CDH1: variants seen among roughly 807,000 people sequenced by gnomAD.
The protein encoded by CDH1 is cadherin 1, also known as cadherin-1.
A neutral mutation model predicts 84.5 loss-of-function variants in CDH1; 35 were observed. The observed-to-expected ratio is 0.41, with a 90% confidence interval of 0.32 to 0.55. The LOEUF (loss-of-function observed/expected upper bound fraction) is 0.55. Among genes scored for constraint, CDH1 ranks in the 20% least tolerant of loss-of-function variants. The pLI is 0.19. For missense variants in CDH1, 994 were observed against 1,126.6 expected (o/e 0.88, Z 1.68); for synonymous variants, 417 against 439.0 (o/e 0.95, Z 0.63).
rs115934514 is a variant in CDH1 at position 68,822,009 on chromosome 16, G to T, written c.1720G>T (p.Val574Phe). 1 of 1,613,924 alleles carries T rather than the reference G, an allele frequency of 6.2e-7. No homozygotes were observed. Among genetic ancestry groups the T allele is most frequent in the African/African-American group, 1.3e-5 (1 of 75,022 alleles). Residue 574 changes from valine to phenylalanine, a missense_variant, in exon 12 of 16, where the codon GTT becomes TTT. Coordinates refer to ENST00000261769, the MANE Select transcript of CDH1 (RefSeq NM_004360.5). ...LIIATDNGSP[V>F]ATGTGTLLLI... ...TGTGTATTTTCTCTTAGGTTCTCCA[G>T]TTGCTACTGGAACAGGGACACTTCT...
At chr16:68,745,468 G>A (rs1297395533) in intron 2 of CDH1, among the ~76,000 whole-genome samples, 1 of 146,448 alleles carries the variant, frequency 6.8e-6, no homozygotes, top group African/African-American at 2.5e-5. Context: ...CGTGAAGCCC[G>A]GGAGGTCGAG....
At chr16:68,755,273 ACT>A (rs1187375626) in intron 2 of CDH1, among the ~76,000 whole-genome samples, 3 of 100,082 alleles carry the variant, frequency 3.0e-5, no homozygotes, top group Admixed American at 2.4e-4. Context: ...ACAGGGCAAG[ACT>A]CTGTCTCAAA....
At chr16:68,741,465 T>C (rs1962561135) in intron 2 of CDH1, among the ~76,000 whole-genome samples, 1 of 152,144 alleles carries the variant, frequency 6.6e-6, no homozygotes, top group Non-Finnish European at 1.5e-5. Context: ...ATTTACTCCA[T>C]GGGAATTTTG....
chr16:68,820,796 T>C (rs1961122825), intron 11 of CDH1, among the ~76,000 whole-genome samples: 1 of 152,112 alleles, frequency 6.6e-6, no homozygotes, highest in Non-Finnish European at 1.5e-5. Context: ...GGCTGGGTGC[T>C]AGGGTCACAC....
At position 68,808,580 on chromosome 16, in the gene CDH1, G is replaced by A; in HGVS notation, c.531+13G>A. ...AAACCTGGTTCAGGTAGAGAAAGAAGTTCTCTGTTTCTCTGGGAGGGATTT... is the reference window on the plus strand; with the variant it reads ...AAACCTGGTTCAGGTAGAGAAAGAAATTCTCTGTTTCTCTGGGAGGGATTT... On this transcript the variant is annotated intron_variant, in intron 4 of 15. Coordinates refer to ENST00000261769, the MANE Select transcript of CDH1 (RefSeq NM_004360.5). 2 of 1,614,056 alleles carry A rather than the reference G, an allele frequency of 1.2e-6. No individual in the cohort carries two copies. Among genetic ancestry groups the A allele is most frequent in the Non-Finnish European group, 1.7e-6 (2 of 1,179,936 alleles).
intron 2 of CDH1, among the ~76,000 whole-genome samples, chr16:68,767,049 A>C (rs1471006554): frequency 6.6e-6 from 1 of 151,964 alleles, no homozygotes; most frequent in Non-Finnish European, 1.5e-5. Flanking sequence ...TTGGATGAGG[A>C]AACTGAGACC....
intron 2 of CDH1, among the ~76,000 whole-genome samples, chr16:68,743,344 TTTC>T (rs1567473996): frequency 0.24 from 11,873 of 48,620 alleles, 1,469 homozygotes; most frequent in African/African-American, 0.27. Flanking sequence ...TCTTTCTTTC[TTTC>T]TTTCTTTCTT....
chr16:68,761,883 G>A (rs541162312), intron 2 of CDH1, among the ~76,000 whole-genome samples: 1 of 152,174 alleles, frequency 6.6e-6, no homozygotes, highest in Non-Finnish European at 1.5e-5. Context: ...GGGGGTGGCA[G>A]CATGTGGAGG....
In CDH1 at chr16:68,822,033, C is replaced by T. The variant is rs1801025; in HGVS notation, c.1744C>T (p.Leu582=). 1,460 of 1,614,154 alleles carry T rather than the reference C, an allele frequency of 9.0e-4. 1 individual carries two copies. Among genetic ancestry groups the T allele is most frequent in the Non-Finnish European group, 1.2e-3 (1,404 of 1,180,000 alleles). Residue 582 remains leucine (L), a synonymous_variant, in exon 12 of 16, where the codon CTG becomes TTG. Coordinates refer to ENST00000261769, the MANE Select transcript of CDH1 (RefSeq NM_004360.5). ...SPVATGTGTL[L]LILSDVNDNA... ...AGTTGCTACTGGAACAGGGACACTT[C>T]TGCTGATCCTGTCTGATGTGAATGA... is the stretch of plus-strand genomic sequence containing the variant.
intron 15 of CDH1, among the ~76,000 whole-genome samples, chr16:68,832,795 G>A (rs1332749041): frequency 2.0e-5 from 3 of 152,118 alleles, no homozygotes; most frequent in Non-Finnish European, 2.9e-5. Flanking sequence ...ACTCCAGCCT[G>A]TGTGACAAGA....
intron 2 of CDH1, among the ~76,000 whole-genome samples, chr16:68,769,070 T>C (rs1959468796): frequency 6.6e-6 from 1 of 152,178 alleles, no homozygotes; most frequent in South Asian, 2.1e-4. Context: ...ATGGCACTGA[T>C]TACTATTCAA....
At chr16:68,742,922 C>T (rs1482752513) in intron 2 of CDH1, among the ~76,000 whole-genome samples, 1 of 152,198 alleles carries the variant, frequency 6.6e-6, no homozygotes, top group East Asian at 1.9e-4. Flanking sequence ...TTGATCTGAG[C>T]TTACTGGGAA....
At chr16:68,784,916 G>A (rs751253329) in intron 2 of CDH1, among the ~76,000 whole-genome samples, 6 of 151,358 alleles carry the variant, frequency 4.0e-5, no homozygotes, top group South Asian at 2.1e-4. Flanking sequence ...CCTCCTGTTC[G>A]GTCATTTTAG....
chr16:68,808,594 T>C (rs1399411620), intron 4 of CDH1, 27 bp downstream of exon 4: 1 of 1,614,136 alleles, frequency 6.2e-7, no homozygotes, highest in Non-Finnish European at 8.5e-7. Context: ...TCTGTTTCTC[T>C]GGGAGGGATT....
rs587782372 is a variant in CDH1, at chr16:68,813,419, T to C, written c.1244T>C (p.Ile415Thr). The C allele has an allele frequency of 4.3e-6, 7 of 1,614,018 alleles. No homozygotes were observed. The African/African-American group carries it at 6.7e-5, about 15-fold the overall frequency. ...CCAGCGTGGGAGGCTGTATACACCA[T>C]ATTGAATGATGATGGTGGACAATTT... is the stretch of plus-strand genomic sequence containing the variant. The part of the protein sequence containing the change: ...NTPAWEAVYT[I>T]LNDDGGQFVV... Residue 415 changes from isoleucine to threonine, a missense_variant, in exon 9 of 16, where the codon ATA becomes ACA. Physicochemically the swap from Ile to Thr is moderately conservative, Grantham distance 89. Coordinates refer to ENST00000261769, the MANE Select transcript of CDH1 (RefSeq NM_004360.5).
rs531328952 is a variant in CDH1, at chr16:68,766,035, G to A, written c.163+27624G>A. On this transcript the variant is annotated intron_variant, in intron 2 of 15. Transcript: ENST00000261769. ...AGCACTTTGGGAGGCCAAGGCAGGC[G>A]AATCATGAGGTCAGGAGTTTGAGAC... Among the ~76,000 whole-genome samples, 9 of 152,194 alleles carry A rather than the reference G, an allele frequency of 5.9e-5. No homozygotes were observed. In the East Asian group the frequency reaches 9.7e-4, roughly 16 times the overall value.
At chr16:68,787,578 A>G (rs996943441) in intron 2 of CDH1, among the ~76,000 whole-genome samples, 1 of 151,618 alleles carries the variant, frequency 6.6e-6, no homozygotes, top group Non-Finnish European at 1.5e-5. Context: ...TCCTGGCCTC[A>G]AGTGATCCTC....
At chr16:68,796,229 T>C (rs1960358319) in intron 2 of CDH1, among the ~76,000 whole-genome samples, 2 of 152,270 alleles carry the variant, frequency 1.3e-5, no homozygotes, top group South Asian at 4.1e-4. Context: ...AAATGTGTTC[T>C]GATGAGAGGG....
Position 68,811,733 on chromosome 16 carries a change from C to A in CDH1, c.882C>A (p.Asn294Lys), listed in dbSNP as rs1960836782. 1 of 1,614,086 alleles carries A rather than the reference C, an allele frequency of 6.2e-7. No homozygotes were observed. The highest frequency in any genetic ancestry group is 8.5e-7 in the Non-Finnish European group (1 of 1,180,010). ...CCACAGACGCGGACGATGATGTGAA[C>A]ACCTACAATGCCGCCATCGCTTACA... Reference protein sequence around the residue: ...VTATDADDDVNTYNAAIAYTI... With the variant: ...VTATDADDDVKTYNAAIAYTI... Residue 294 changes from asparagine to lysine, a missense_variant, in exon 7 of 16, where the codon AAC becomes AAA. Transcript: ENST00000261769.
Sources: gnomAD v4.1 joint callset for allele counts (sites outside exome capture counted in the v4.1 genomes callset) on GRCh38, gnomAD v4.1.1 for gene constraint, MANE v1.5 for transcripts, NCBI Gene and HGNC (gene_info 2026-07-23, HGNC 2026-07-21) for gene names.